Variants in DCP1B observed in about 807,000 individuals in gnomAD.
DCP1B encodes the protein mRNA-decapping enzyme 1B.
A neutral mutation model predicts 60.5 loss-of-function variants in DCP1B; 47 were observed. The observed-to-expected ratio is 0.78, with a 90% CI of 0.61 to 0.99. DCP1B has a LOEUF of 0.99. Ranked by LOEUF, DCP1B falls within the 50% of genes least tolerant of loss-of-function variation. The pLI, the probability that DCP1B is intolerant of heterozygous loss-of-function variation, is 0.00. For missense variants in DCP1B, 725 were observed against 756.8 expected, an observed-to-expected ratio of 0.96 and a Z score of 0.49; for synonymous variants, 267 against 280.3, an observed-to-expected ratio of 0.95 and a Z score of 0.47.
chr12:2,004,086 T>C, intron 1 of DCP1B, 196 bp downstream of exon 1: 1 of 720,578 alleles, frequency 1.4e-6, no homozygotes, highest in Non-Finnish European at 2.3e-6. Flanking sequence ...CAACTCCAGG[T>C]AGCTCCACAG....
At chr12:1,976,456 A>C (rs760306233) in intron 3 of DCP1B, among the ~76,000 whole-genome samples, 54 of 152,244 alleles carry the variant, frequency 3.5e-4, no homozygotes, top group Non-Finnish European at 5.3e-4. Flanking sequence ...CATACAGTAA[A>C]AGAGCCTCAA....
chr12:1,954,735 T>C (rs538202056), intron 6 of DCP1B, among the ~76,000 whole-genome samples: 40 of 152,168 alleles, frequency 2.6e-4, no homozygotes, highest in Non-Finnish European at 4.6e-4. Context: ...AGTGCTCAAA[T>C]CAACTCTGTG....
At chr12:1,995,161 T>C (rs2040492474) in intron 2 of DCP1B, among the ~76,000 whole-genome samples, 2 of 152,144 alleles carry the variant, frequency 1.3e-5, no homozygotes, top group African/African-American at 4.8e-5. Context: ...CAAACTTATA[T>C]TTGGTCTGGA....
At chr12:1,965,717 CA>C (rs1043341493) in intron 4 of DCP1B, 24 bp from the exon 5 acceptor site, 1 of 1,590,008 alleles carries the variant, frequency 6.3e-7, no homozygotes, top group Non-Finnish European at 8.5e-7. Context: ...GGGGAAAATC[CA>C]CACAAGAAAA....
chr12:1,945,132 C>T (rs1404551959), downstream of DCP1B, among the ~76,000 whole-genome samples: 1 of 152,310 alleles, frequency 6.6e-6, no homozygotes, highest in African/African-American at 2.4e-5. Flanking sequence ...TATGAACAGA[C>T]ACTTCTCAAA....
chr12:1,967,770 G>T, intron 4 of DCP1B, 74 bp downstream of exon 4: 1 of 1,263,502 alleles, frequency 7.9e-7, no homozygotes, highest in Non-Finnish European at 1.1e-6. Flanking sequence ...TAAGACTGTA[G>T]TATAGTTACA....
chr12:1,988,591 G>A (rs561720746), intron 3 of DCP1B, among the ~76,000 whole-genome samples: 33 of 152,248 alleles, frequency 2.2e-4, no homozygotes, highest in Non-Finnish European at 4.6e-4. Flanking sequence ...TATCTCTTTC[G>A]TAAAATGGAT....
downstream of DCP1B, among the ~76,000 whole-genome samples, chr12:1,942,693 T>G (rs150435720): frequency 6.6e-6 from 1 of 152,140 alleles, no homozygotes; most frequent in Non-Finnish European, 1.5e-5. Context: ...GAATGACTAC[T>G]GGGTAAATAA....
At chr12:1,964,380 G>A (rs879554270) in intron 5 of DCP1B, among the ~76,000 whole-genome samples, 2 of 151,864 alleles carry the variant, frequency 1.3e-5, no homozygotes, top group Non-Finnish European at 2.9e-5. Flanking sequence ...TTTTTTCTGA[G>A]TTGTTTTTGT....
chr12:1,948,358 C>T lies in DCP1B; in HGVS notation c.1773+728G>A, dbSNP rs369557515. On this transcript the variant is annotated intron_variant, in intron 8 of 8. Coordinates refer to ENST00000280665, the MANE Select transcript of DCP1B (RefSeq NM_152640.5). This position sits in a 1 kb window ranked among gnomAD's most constrained non-coding sequence, Gnocchi z 4.8. ...CCCAGCCCTGCTTATGTACGAGCTC[C>T]GTGCCTCAGGCCAGTTGCTCAGCCT... Among the ~76,000 whole-genome samples, 1 of 152,178 alleles carries T rather than the reference C, an allele frequency of 6.6e-6. No homozygotes were observed. Among genetic ancestry groups the T allele is most frequent in the Non-Finnish European group, 1.5e-5 (1 of 68,036 alleles).
intron 8 of DCP1B, among the ~76,000 whole-genome samples, chr12:1,947,581 T>G (rs996568629): frequency 1.3e-5 from 2 of 152,212 alleles, no homozygotes; most frequent in East Asian, 3.8e-4. Context: ...CAAGACAATG[T>G]GAAGGGAATC....
intron 2 of DCP1B, among the ~76,000 whole-genome samples, chr12:1,995,296 A>C (rs1311148980): frequency 6.6e-6 from 1 of 152,262 alleles, no homozygotes; most frequent in Non-Finnish European, 1.5e-5. Flanking sequence ...TCTCCAAAGA[A>C]TCATAATGCG....
chr12:1,991,538 T>G (rs1458645329), intron 3 of DCP1B: 1 of 244,430 alleles, frequency 4.1e-6, no homozygotes, highest in Non-Finnish European at 8.0e-6. Context: ...AATTAATAAT[T>G]GAGGTTTTTT....
At position 1,952,890 on chromosome 12, in the gene DCP1B, G is replaced by A. The variant is rs141404620; in HGVS notation, c.1050C>T (p.Ser350=). Residue 350 remains serine, a synonymous_variant, in exon 7 of 9, where the codon TCC becomes TCT. Coordinates refer to ENST00000280665, the MANE Select transcript of DCP1B (RefSeq NM_152640.5). ...GTTTCTCGAACAGGTTCTGAGTTCT[G>A]GAAGCATTTTGTACACCACGAGAAG... is the stretch of plus-strand genomic sequence containing the variant. The part of the protein sequence containing the change: ...IGTSRGVQNA[S]RTQNLFEKLQ... The A allele has an allele frequency of 4.0e-4, 649 of 1,614,140 alleles. No homozygotes were observed. The African/African-American group carries it at 7.8e-3, about 19-fold the overall frequency.
At chr12:2,001,474 A>C (rs1277586496) in intron 1 of DCP1B, among the ~76,000 whole-genome samples, 1 of 152,206 alleles carries the variant, frequency 6.6e-6, no homozygotes, top group African/African-American at 2.4e-5. Flanking sequence ...ATGGAATATA[A>C]AATAGTGCTG....
chr12:1,992,434 T>C (rs1308789419), intron 3 of DCP1B: 2 of 153,346 alleles, frequency 1.3e-5, no homozygotes, highest in African/African-American at 4.8e-5. Flanking sequence ...AAGAGTAGGA[T>C]GAAAAATATA....
chr12:2,004,405 C>T lies in DCP1B; in HGVS notation c.27G>A (p.Leu9=). MAAVAAGG[L]VGKGRDISLA... is the part of the protein sequence containing the mutation. ...GGCTGATGTCGCGCCCCTTTCCCAC[C>T]AGGCCGCCTGCCGCCACGGCTGCCA... The change falls in exon 1 of 9, where the codon CTG becomes CTA. Residue 9 remains leucine (L), a synonymous_variant. Transcript: ENST00000280665. 1 of 1,611,470 alleles carries T rather than the reference C, an allele frequency of 6.2e-7. No homozygotes were observed. The highest frequency in any genetic ancestry group is 8.5e-7 in the Non-Finnish European group (1 of 1,179,214).
intron 2 of DCP1B, among the ~76,000 whole-genome samples, chr12:1,995,040 A>C (rs942378592): frequency 5.3e-5 from 8 of 152,104 alleles, no homozygotes; most frequent in African/African-American, 1.9e-4. Context: ...GAGGAGTTAG[A>C]TTTGGAGAAA....
chr12:1,987,229 G>T (rs2038060660), intron 3 of DCP1B, among the ~76,000 whole-genome samples: 2 of 152,152 alleles, frequency 1.3e-5, no homozygotes, highest in African/African-American at 4.8e-5. Flanking sequence ...TTCTTGAATG[G>T]ATTTTCCTAC....
Sources: allele counts gnomAD v4.1 joint callset (sites outside exome capture counted in the v4.1 genomes callset), GRCh38; gene constraint gnomAD v4.1.1; non-coding constraint Gnocchi (gnomAD v3.1); transcripts MANE v1.5; gene names NCBI Gene and HGNC (gene_info 2026-07-23, HGNC 2026-07-21).